Variants in CASK observed in about 807,000 individuals in gnomAD.
CASK encodes peripheral plasma membrane protein CASK.
CASK carries 4 observed loss-of-function variants against 82.9 expected under a neutral mutation model. That is an observed-to-expected ratio of 0.05 (90% CI 0.02 to 0.11). CASK has a LOEUF of 0.11. CASK is among the 10% of genes least tolerant of loss of function. The pLI is 1.00. For missense variants in CASK, 358 were observed against 720.9 expected (o/e 0.50, Z 5.76); for synonymous variants, 259 against 253.5 (o/e 1.02, Z -0.20).
chrX:41,700,578 A>AC (rs2067773436), intron 5 of CASK, among the ~76,000 whole-genome samples: 1 of 61,209 alleles, frequency 1.6e-5, no homozygotes, highest in Admixed American at 2.3e-4. Context: ...TACGTATATG[A>AC]CTTTTTTTTT....
intron 24 of CASK, 120 bp from the exon 25 acceptor site, chrX:41,531,329 T>A (rs2064801049): frequency 1.7e-6 from 1 of 595,999 alleles, no homozygotes; most frequent in Non-Finnish European, 2.9e-6. Flanking sequence ...AGCGTATATC[T>A]CATATCCCCT....
At chrX:41,641,272 T>C (rs1329399427) in intron 8 of CASK, among the ~76,000 whole-genome samples, 1 of 111,884 alleles carries the variant, frequency 8.9e-6, no homozygotes, top group Non-Finnish European at 1.9e-5. Flanking sequence ...AAAAATTCAA[T>C]AGTAATGTGC....
chrX:41,606,107 C>G lies in CASK; in HGVS notation c.1155+3797G>C, dbSNP rs146727021. 3.9e-4 allele frequency among the ~76,000 whole-genome samples: 44 copies of G among 112,428 alleles called. 1 individual carries two copies. In the East Asian group the frequency reaches 9.4e-3, roughly 24 times the overall value. On this transcript the variant is annotated intron_variant, in intron 12 of 26. Coordinates refer to ENST00000378163, the MANE Select transcript of CASK (RefSeq NM_001367721.1). ...ATTAGATTTCTCTATATGGCAGTCA[C>G]TTGAATTCTTCATTGATTATATTAT...
chrX:41,519,299 T>C lies in CASK; in HGVS notation c.*1121A>G, dbSNP rs970009404. The C allele has an allele frequency of 4.4e-5, 5 of 112,492 alleles. No individual in the cohort carries two copies. The highest frequency in any genetic ancestry group is 1.3e-4 in the African/African-American group (4 of 30,953). 9.3% of individuals were successfully genotyped at this position (112,492 alleles called of 1,213,427 possible). A position where few individuals can be genotyped will look rare whatever the true frequency, so the allele number is the denominator to read the frequency against. ...TTTAAAGGAATTTACAGGGCTGTTATAGATGATTCTTTTGGAATATTTCAG... is the reference window on the plus strand; with the variant it reads ...TTTAAAGGAATTTACAGGGCTGTTACAGATGATTCTTTTGGAATATTTCAG... On this transcript the variant is annotated 3_prime_UTR_variant, in exon 27 of 27. Coordinates refer to ENST00000378163, the MANE Select transcript of CASK (RefSeq NM_001367721.1).
chrX:41,591,283 C>CTGCA (rs1445027138), intron 12 of CASK, among the ~76,000 whole-genome samples: 1 of 111,144 alleles, frequency 9.0e-6, no homozygotes, highest in East Asian at 2.8e-4. Flanking sequence ...ATGAATTGCA[C>CTGCA]TGCATGCATG....
intron 15 of CASK, among the ~76,000 whole-genome samples, chrX:41,576,003 C>T (rs1166557213): frequency 9.3e-6 from 1 of 107,314 alleles, no homozygotes; most frequent in Non-Finnish European, 1.9e-5. Context: ...GAAACGGAGT[C>T]TCACTCTGCT....
At chrX:41,909,927 G>A (rs1032472236) in intron 1 of CASK, among the ~76,000 whole-genome samples, 4 of 110,592 alleles carry the variant, frequency 3.6e-5, no homozygotes, top group Admixed American at 9.5e-5. Flanking sequence ...TCCATTAGAA[G>A]TGTTTTAGTT....
chrX:41,657,170 G>C (rs779691297), intron 8 of CASK, among the ~76,000 whole-genome samples: 1 of 112,325 alleles, frequency 8.9e-6, no homozygotes, highest in South Asian at 3.7e-4. Flanking sequence ...TCTTCCAAAG[G>C]TTATTAATAA....
At chrX:41,743,872 T>A (rs1017388089) in intron 4 of CASK, 1 of 266,883 alleles carries the variant, frequency 3.7e-6, no homozygotes, top group Admixed American at 6.6e-5. Context: ...CTTTGGGAGG[T>A]TGAGGCGTGC....
At chrX:41,673,829 G>GTTT (rs887137250) in intron 5 of CASK, among the ~76,000 whole-genome samples, 141 of 50,892 alleles carry the variant, frequency 2.8e-3, no homozygotes, top group Non-Finnish European at 3.4e-3. Flanking sequence ...AACTCTGGGT[G>GTTT]TTTTTTTTTT....
chrX:41,721,416 G>T (rs1347746353), intron 5 of CASK, among the ~76,000 whole-genome samples: 1 of 111,273 alleles, frequency 9.0e-6, no homozygotes, highest in African/African-American at 3.3e-5. Flanking sequence ...ATAATAGTTT[G>T]CTTAACAAAG....
intron 6 of CASK, among the ~76,000 whole-genome samples, chrX:41,669,413 G>A (rs2067164845): frequency 9.0e-6 from 1 of 111,041 alleles, no homozygotes; most frequent in Non-Finnish European, 1.9e-5. Context: ...CGAAGAACAT[G>A]ACATTCTAAA....
chrX:41,546,137 C>A (rs2065020441), intron 21 of CASK, among the ~76,000 whole-genome samples: 1 of 111,551 alleles, frequency 9.0e-6, no homozygotes, highest in South Asian at 3.8e-4. Context: ...CCACGCCCAG[C>A]TAATTTTTTA....
intron 1 of CASK, among the ~76,000 whole-genome samples, chrX:41,913,597 A>G (rs891621923): frequency 2.7e-5 from 3 of 112,137 alleles, no homozygotes; most frequent in Non-Finnish European, 5.6e-5. Flanking sequence ...TTTTACACAC[A>G]TGGTAGAAAA....
At chrX:41,641,766 T>C (rs1178062399) in intron 8 of CASK, among the ~76,000 whole-genome samples, 1 of 111,561 alleles carries the variant, frequency 9.0e-6, no homozygotes, top group Non-Finnish European at 1.9e-5. Context: ...TTATTATACT[T>C]TAAGTTCTAG....
rs141530437 is a variant in CASK, at chrX:41,773,692, A to G, written c.278+13486T>C. 3.9e-3 allele frequency among the ~76,000 whole-genome samples: 438 copies of G among 112,194 alleles called. 1 individual carries two copies. Among genetic ancestry groups the G allele is most frequent in the African/African-American group, 0.012 (384 of 30,937 alleles). On this transcript the variant is annotated intron_variant, in intron 3 of 26. Transcript: ENST00000378163. ...ATATCCTACTACACACCTAGGCTAC[A>G]AACCTACATAGCATGTGACTACTGA...
intron 2 of CASK, among the ~76,000 whole-genome samples, chrX:41,802,092 G>A (rs1465259842): frequency 9.0e-6 from 1 of 111,409 alleles, no homozygotes; most frequent in African/African-American, 3.3e-5. Context: ...CATATACAGA[G>A]TGTTCCCAGG....
intron 2 of CASK, among the ~76,000 whole-genome samples, chrX:41,794,939 T>C (rs963966013): frequency 8.9e-6 from 1 of 112,122 alleles, no homozygotes; most frequent in African/African-American, 3.2e-5. Flanking sequence ...TTACCACCCA[T>C]TTCTCCCCCA....
At chrX:41,722,798 G>A (rs750459201) in intron 5 of CASK, among the ~76,000 whole-genome samples, 6 of 112,238 alleles carry the variant, frequency 5.3e-5, no homozygotes, top group African/African-American at 1.9e-4. Flanking sequence ...TTCTTTTTTC[G>A]GACCAAAGAC....
Sources: gnomAD v4.1 joint callset for allele counts (sites outside exome capture counted in the v4.1 genomes callset) on GRCh38, gnomAD v4.1.1 for gene constraint, MANE v1.5 for transcripts, NCBI Gene and HGNC (gene_info 2026-07-23, HGNC 2026-07-21) for gene names.